Variants in MCPH1 observed in about 807,000 individuals in gnomAD.
The protein encoded by MCPH1 is microcephalin 1, also known as microcephalin.
Under a neutral mutation model 84.5 loss-of-function variants are expected in MCPH1, and 104 were observed. That is an observed-to-expected ratio of 1.23 (90% CI 1.05 to 1.45). The LOEUF is 1.45. Ranked by LOEUF, MCPH1 falls within the 40% of genes most tolerant of loss-of-function variation. The probability of loss-of-function intolerance (pLI) is 0.00; values close to 1 mark genes in which losing one functional copy is unlikely to be tolerated. For synonymous variants in MCPH1, 514 were observed against 366.8 expected (o/e 1.40, Z -4.58); for missense variants, 1,498 against 1,005.7 (o/e 1.49, Z -6.62).
At chr8:6,582,184 A>G (rs1229956649) in intron 12 of MCPH1, among the ~76,000 whole-genome samples, 1 of 152,230 alleles carries the variant, frequency 6.6e-6, no homozygotes, top group Non-Finnish European at 1.5e-5. Flanking sequence ...TCAGCACACT[A>G]GAGATGGACA....
intron 12 of MCPH1, among the ~76,000 whole-genome samples, chr8:6,571,939 G>T (rs1294951832): frequency 1.3e-5 from 2 of 152,270 alleles, no homozygotes; most frequent in East Asian, 3.9e-4. Flanking sequence ...GTTGTCTGAT[G>T]ATGGTTCAAG....
At chr8:6,570,721 G>C (rs943404795) in intron 12 of MCPH1, among the ~76,000 whole-genome samples, 1 of 150,236 alleles carries the variant, frequency 6.7e-6, no homozygotes, top group Admixed American at 6.6e-5. Flanking sequence ...GCTTAAAAAA[G>C]TTCCAAGTAC....
At chr8:6,426,108 C>T (rs1009677713) in intron 3 of MCPH1, among the ~76,000 whole-genome samples, 1 of 152,184 alleles carries the variant, frequency 6.6e-6, no homozygotes, top group Non-Finnish European at 1.5e-5. Flanking sequence ...CACCCGCCTC[C>T]CTTTCCCATC....
chr8:6,494,199 A>G (rs9644413), intron 11 of MCPH1: 130,109 of 152,176 alleles, frequency 0.85, 57,422 homozygotes, highest in Non-Finnish European at 0.97. Context: ...TTGGCCTCCC[A>G]AGGAACTGGG....
chr8:6,409,161 C>T (rs1585551891), intron 1 of MCPH1, 118 bp from the exon 2 acceptor site: 2 of 837,524 alleles, frequency 2.4e-6, no homozygotes, highest in East Asian at 5.3e-5. Flanking sequence ...GCTGGGATTA[C>T]AGGCGTGAGC....
chr8:6,423,728 C>T (rs947835772), intron 3 of MCPH1, among the ~76,000 whole-genome samples: 7 of 152,036 alleles, frequency 4.6e-5, no homozygotes, highest in African/African-American at 1.7e-4. Flanking sequence ...CTGTTCATTT[C>T]TGAGAGTTTA....
chr8:6,467,891 C>T (rs1184902540), intron 9 of MCPH1, among the ~76,000 whole-genome samples: 1 of 152,216 alleles, frequency 6.6e-6, no homozygotes, highest in African/African-American at 2.4e-5. Flanking sequence ...AACCACCATG[C>T]CTGGCCCATG....
intron 1 of MCPH1, among the ~76,000 whole-genome samples, chr8:6,407,649 G>A (rs1797933483): frequency 1.3e-5 from 2 of 152,178 alleles, no homozygotes; most frequent in African/African-American, 4.8e-5. Context: ...ATCAGATGTG[G>A]CTATTTTTCT....
intron 11 of MCPH1, among the ~76,000 whole-genome samples, chr8:6,496,243 A>G (rs555063335): frequency 6.6e-6 from 1 of 152,126 alleles, no homozygotes; most frequent in Non-Finnish European, 1.5e-5. Context: ...TGCAACCTAG[A>G]TCCCTCATCT....
intron 12 of MCPH1, among the ~76,000 whole-genome samples, chr8:6,596,724 G>T (rs1021856199): frequency 1.3e-5 from 2 of 152,094 alleles, no homozygotes; most frequent in African/African-American, 4.8e-5. Context: ...ACAATGCAAC[G>T]ATGCCAAAAA....
At chr8:6,482,269 C>T (rs1809339709) in intron 11 of MCPH1, among the ~76,000 whole-genome samples, 1 of 152,162 alleles carries the variant, frequency 6.6e-6, no homozygotes, top group Non-Finnish European at 1.5e-5. Context: ...AAATGGTATG[C>T]TGACGTAGCT....
chr8:6,586,376 C>G (rs554421441), intron 12 of MCPH1, among the ~76,000 whole-genome samples: 10 of 152,320 alleles, frequency 6.6e-5, no homozygotes, highest in Non-Finnish European at 1.0e-4. Flanking sequence ...TCTTACCTGC[C>G]CCACCTTTAA....
At chr8:6,619,957 C>T (rs2980660) in intron 12 of MCPH1, among the ~76,000 whole-genome samples, 2 of 152,192 alleles carry the variant, frequency 1.3e-5, no homozygotes, top group East Asian at 3.8e-4. Context: ...TTCTTGATTC[C>T]ATTTCCATGC....
intron 11 of MCPH1, among the ~76,000 whole-genome samples, chr8:6,497,434 C>T (rs1277227459): frequency 2.6e-5 from 4 of 152,040 alleles, no homozygotes; most frequent in Admixed American, 6.6e-5. Context: ...ACCTGGGAGA[C>T]GATGCTGCAG....
Position 6,488,194 on chromosome 8 carries a change from C to T in MCPH1, c.2136+7318C>T, listed in dbSNP as rs147546775. ...GGCCGCTGGGAGCATGGGAAGCAGG[C>T]GCTGCGGTCTAGGTCCTCCATCCCC... On this transcript the variant is annotated intron_variant, in intron 11 of 13. Transcript: ENST00000344683. Among the ~76,000 whole-genome samples the T allele has an allele frequency of 7.8e-3, 1,183 of 152,302 alleles. 8 individuals carry two copies. The highest frequency in any genetic ancestry group is 0.032 in the South Asian group (156 of 4,832).
rs1357381124 is a variant in MCPH1, at chr8:6,505,339, A to C, written c.2214+5410A>C. Reference sequence around the variant, plus strand: ...ATATATGTTATATACATATAGAAAGAATATATATATTCTTTCTATATGTAT... The same window carrying C: ...ATATATGTTATATACATATAGAAAGCATATATATATTCTTTCTATATGTAT... On this transcript the variant is annotated intron_variant, in intron 12 of 13. Coordinates refer to ENST00000344683, the MANE Select transcript of MCPH1 (RefSeq NM_024596.5). Among the ~76,000 whole-genome samples the C allele has an allele frequency of 1.8e-4, 9 of 51,332 alleles. 1 individual carries two copies. Among genetic ancestry groups the C allele is most frequent in the African/African-American group, 1.1e-4 (1 of 8,872 alleles). 33.7% of individuals were successfully genotyped at this position (51,332 alleles called of 152,430 possible). A position where few individuals can be genotyped will look rare whatever the true frequency, so the allele number is the denominator to read the frequency against.
At chr8:6,603,847 G>A (rs1829552622) in intron 12 of MCPH1, among the ~76,000 whole-genome samples, 1 of 152,166 alleles carries the variant, frequency 6.6e-6, no homozygotes, top group Non-Finnish European at 1.5e-5. Flanking sequence ...ACATTAAAAA[G>A]CAGGTCTACT....
chr8:6,525,351 A>G (rs3020225), intron 12 of MCPH1, among the ~76,000 whole-genome samples: 43,948 of 152,056 alleles, frequency 0.29, 7,102 homozygotes, highest in East Asian at 0.7. Context: ...TGCCTCAGCC[A>G]TCCAAATAGG....
At chr8:6,581,957 C>G (rs1827599243) in intron 12 of MCPH1, among the ~76,000 whole-genome samples, 1 of 152,158 alleles carries the variant, frequency 6.6e-6, no homozygotes, top group Non-Finnish European at 1.5e-5. Flanking sequence ...AGGATTTTCA[C>G]TCTCATGACC....
Sources: gnomAD v4.1 joint callset for allele counts (sites outside exome capture counted in the v4.1 genomes callset) on GRCh38, gnomAD v4.1.1 for gene constraint, MANE v1.5 for transcripts, NCBI Gene and HGNC (gene_info 2026-07-23, HGNC 2026-07-21) for gene names.